The following PLPPR1 variants were observed in gnomAD, a reference collection of about 807,000 sequenced individuals.
The protein encoded by PLPPR1 is phospholipid phosphatase-related protein type 1.
In PLPPR1, 10 loss-of-function variants were observed where a neutral mutation model predicts 33.1. That is an observed-to-expected ratio of 0.30 (90% CI 0.19 to 0.51). The LOEUF (loss-of-function observed/expected upper bound fraction) is 0.51, where lower values mean the gene tolerates loss of function less well. Among genes scored for constraint, PLPPR1 ranks in the 20% least tolerant of loss-of-function variants. The probability of loss-of-function intolerance (pLI) is 0.97; values close to 1 mark genes in which losing one functional copy is unlikely to be tolerated. For missense variants in PLPPR1, 304 were observed against 408.1 expected, an observed-to-expected ratio of 0.74 and a Z score of 2.20; for synonymous variants, 151 against 151.0, an observed-to-expected ratio of 1.00 and a Z score of 0.00.
At chr9:101,049,918 G>T (rs1443168867) in intron 1 of PLPPR1, among the ~76,000 whole-genome samples, 1 of 151,786 alleles carries the variant, frequency 6.6e-6, no homozygotes, top group Non-Finnish European at 1.5e-5. Context: ...CTGAGGTTAG[G>T]AGTTCAAGAC....
At chr9:101,279,485 ATATTTATAAAACAT>A (rs1400376614) in intron 3 of PLPPR1, among the ~76,000 whole-genome samples, 2 of 152,230 alleles carry the variant, frequency 1.3e-5, no homozygotes, top group Non-Finnish European at 2.9e-5. Context: ...AATGGACTTG[ATATTTATAAAACAT>A]TTCATCCAGT....
intron 1 of PLPPR1, among the ~76,000 whole-genome samples, chr9:101,155,906 T>A (rs769397440): frequency 1.3e-5 from 2 of 152,136 alleles, no homozygotes; most frequent in African/African-American, 4.8e-5. Context: ...GCCGGGGGAT[T>A]AAATTTCTAA....
At chr9:101,209,464 G>A (rs550607182) in intron 2 of PLPPR1, among the ~76,000 whole-genome samples, 16 of 152,146 alleles carry the variant, frequency 1.1e-4, no homozygotes, top group African/African-American at 3.1e-4. Context: ...CTTTAGGGTC[G>A]TTTCTTGGAT....
At chr9:101,295,872 C>T (rs1340407155) in intron 4 of PLPPR1, among the ~76,000 whole-genome samples, 1 of 146,070 alleles carries the variant, frequency 6.8e-6, no homozygotes, top group Admixed American at 6.8e-5. Flanking sequence ...TAGGCATTAC[C>T]ATTCAGGACA....
chr9:101,127,962 A>C (rs2118606477), intron 1 of PLPPR1, among the ~76,000 whole-genome samples: 1 of 152,334 alleles, frequency 6.6e-6, no homozygotes, highest in South Asian at 2.1e-4. Flanking sequence ...AGGAAGAATT[A>C]AATCCATCAG....
intron 2 of PLPPR1, among the ~76,000 whole-genome samples, chr9:101,235,551 T>G (rs1014654937): frequency 6.6e-6 from 1 of 151,868 alleles, no homozygotes; most frequent in Non-Finnish European, 1.5e-5. Context: ...TTTCTAAAGT[T>G]TCATTTAGAA....
At chr9:101,262,627 C>A (rs2118882641) in intron 2 of PLPPR1, among the ~76,000 whole-genome samples, 1 of 152,172 alleles carries the variant, frequency 6.6e-6, no homozygotes, top group Admixed American at 6.5e-5. Flanking sequence ...CCAGAAATAC[C>A]ATTTGAGCCA....
At chr9:101,135,599 C>T (rs1186447716) in intron 1 of PLPPR1, among the ~76,000 whole-genome samples, 2 of 152,148 alleles carry the variant, frequency 1.3e-5, no homozygotes, top group African/African-American at 4.8e-5. Flanking sequence ...CCTGTAGCTC[C>T]CTAAGATCTG....
intron 1 of PLPPR1, among the ~76,000 whole-genome samples, chr9:101,041,083 G>T (rs982053628): frequency 6.6e-5 from 10 of 152,136 alleles, no homozygotes; most frequent in Non-Finnish European, 1.3e-4. Flanking sequence ...CCAATGTAGG[G>T]GCTTGGTCCC....
At chr9:101,078,441 G>T (rs1292759621) in intron 1 of PLPPR1, among the ~76,000 whole-genome samples, 1 of 152,050 alleles carries the variant, frequency 6.6e-6, no homozygotes, top group African/African-American at 2.4e-5. Context: ...AGAATCTCTA[G>T]TTAAGATTTT....
At chr9:101,297,726 C>G (rs1162066461) in intron 4 of PLPPR1, among the ~76,000 whole-genome samples, 1 of 152,144 alleles carries the variant, frequency 6.6e-6, no homozygotes, top group Non-Finnish European at 1.5e-5. Context: ...TTTACCTGTA[C>G]TTTATAAAAA....
intron 1 of PLPPR1, among the ~76,000 whole-genome samples, chr9:101,164,999 G>T (rs1825835442): frequency 6.6e-6 from 1 of 152,076 alleles, no homozygotes; most frequent in South Asian, 2.1e-4. Flanking sequence ...CCCTTCCACA[G>T]TTCTCCTTGG....
At chr9:101,182,646 GT>G (rs1383003694) in intron 1 of PLPPR1, among the ~76,000 whole-genome samples, 1 of 151,582 alleles carries the variant, frequency 6.6e-6, no homozygotes, top group Admixed American at 6.6e-5. Context: ...CTTTAAGATG[GT>G]TAACTTTGTA....
At position 101,139,106 on chromosome 9, in the gene PLPPR1, G is replaced by A. The variant is rs182168382; in HGVS notation, c.-45-46344G>A. Among the ~76,000 whole-genome samples the A allele has an allele frequency of 3.8e-4, 57 of 151,990 alleles. 2 individuals are homozygous for A. In the East Asian group the frequency reaches 0.011, roughly 29 times the overall value. The stretch of plus-strand genomic sequence containing the variant: ...GATACCAATGTCTTCAAAGGGTGAA[G>A]AAATATAGATTATTTCACAACAAAT... On this transcript the variant is annotated intron_variant, in intron 1 of 7. Coordinates refer to ENST00000374874, the MANE Select transcript of PLPPR1 (RefSeq NM_207299.2).
intron 1 of PLPPR1, among the ~76,000 whole-genome samples, chr9:101,115,186 T>G (rs1379699326): frequency 2.0e-5 from 3 of 152,196 alleles, no homozygotes; most frequent in African/African-American, 7.2e-5. Flanking sequence ...TGAAACGAAG[T>G]GCCCCACTCA....
Position 101,160,291 on chromosome 9 carries a change from C to T in PLPPR1, c.-45-25159C>T, listed in dbSNP as rs116018098. Among the ~76,000 whole-genome samples, 489 of 152,270 alleles carry T rather than the reference C, an allele frequency of 3.2e-3. 6 individuals are homozygous for T. Among genetic ancestry groups the T allele is most frequent in the African/African-American group, 0.011 (462 of 41,552 alleles). On this transcript the variant is annotated intron_variant, in intron 1 of 7. Coordinates refer to ENST00000374874, the MANE Select transcript of PLPPR1 (RefSeq NM_207299.2). Reference sequence around the variant, plus strand: ...AACAGGTCACTTAGCCTTTCTCCTCCTTACTTTCTTTCACAGTAAAATGAG... The same window carrying T: ...AACAGGTCACTTAGCCTTTCTCCTCTTTACTTTCTTTCACAGTAAAATGAG...
chr9:101,200,369 A>T (rs546924277), intron 2 of PLPPR1, among the ~76,000 whole-genome samples: 141 of 152,152 alleles, frequency 9.3e-4, no homozygotes, highest in Middle Eastern at 6.8e-3. Flanking sequence ...CCCATCCAAC[A>T]TGTTTCCTGG....
At chr9:101,075,323 G>T (rs1472791857) in intron 1 of PLPPR1, among the ~76,000 whole-genome samples, 18 of 152,034 alleles carry the variant, frequency 1.2e-4, no homozygotes, top group Non-Finnish European at 2.6e-4. Flanking sequence ...CCACACCATT[G>T]GTCTTTTTAT....
At chr9:101,228,781 T>C (rs1343424755) in intron 2 of PLPPR1, among the ~76,000 whole-genome samples, 2 of 152,116 alleles carry the variant, frequency 1.3e-5, no homozygotes, top group Non-Finnish European at 2.9e-5. Flanking sequence ...GTGAATTTTG[T>C]GCAGAAGTTG....
Sources: allele counts gnomAD v4.1 joint callset (sites outside exome capture counted in the v4.1 genomes callset), GRCh38; gene constraint gnomAD v4.1.1; transcripts MANE v1.5; gene names NCBI Gene and HGNC (gene_info 2026-07-23, HGNC 2026-07-21).